The following C2CD2 variants were observed in gnomAD, a reference collection of about 807,000 sequenced individuals.
The protein encoded by C2CD2 is C2 calcium dependent domain containing 2, also known as C2 domain-containing protein 2.
C2CD2 carries 43 observed loss-of-function variants against 74.3 expected under a neutral mutation model. That is an observed-to-expected ratio of 0.58 (90% CI 0.45 to 0.75). C2CD2 has a LOEUF of 0.75. Among genes scored for constraint, C2CD2 ranks in the 30% least tolerant of loss-of-function variants. The pLI is 0.00. For missense variants in C2CD2, 801 were observed against 916.3 expected (o/e 0.87, Z 1.63); for synonymous variants, 422 against 390.7 (o/e 1.08, Z -0.94).
rs1463601217 is a variant in C2CD2, at chr21:41,924,596, A to G, written c.379-2511T>C. Among the ~76,000 whole-genome samples, 9 of 152,228 alleles carry G rather than the reference A, an allele frequency of 5.9e-5. No homozygotes were observed. The highest frequency in any genetic ancestry group is 1.5e-5 in the Non-Finnish European group (1 of 68,052). On this transcript the variant is annotated intron_variant, in intron 2 of 13. Transcript: ENST00000380486. The surrounding 1 kb of genome is among the most constrained non-coding windows in gnomAD (Gnocchi z 4.4). ...TATAAACAGTCCTTTACGGAGGAAC[A>G]TGCTTTGTGGCCAGATGAGTTACAC...
Position 41,932,171 on chromosome 21 carries a change from A to G in C2CD2, c.378+9976T>C, listed in dbSNP as rs182145277. On this transcript the variant is annotated intron_variant, in intron 2 of 13. Transcript: ENST00000380486. The stretch of plus-strand genomic sequence containing the variant: ...GCCTAGCGAATGAATCCTCCATAAA[A>G]ACCCTGAAAGGATGGGTTTGGGGAG... 8.5e-4 allele frequency among the ~76,000 whole-genome samples: 127 copies of G among 149,348 alleles called. 6 individuals carry two copies. Among genetic ancestry groups the G allele is most frequent in the Admixed American group, 1.5e-3 (23 of 14,906 alleles).
chr21:41,918,018 G>A (rs559646626), intron 5 of C2CD2, 87 bp downstream of exon 5: 11 of 1,499,468 alleles, frequency 7.3e-6, no homozygotes, highest in Non-Finnish European at 1.0e-5. Flanking sequence ...GTGGAGGAAC[G>A]CTGGAACGCA....
At position 41,890,560 on chromosome 21, in the gene C2CD2, C is replaced by T. The variant is rs142713007; in HGVS notation, c.1871-1216G>A. On this transcript the variant is annotated intron_variant, in intron 13 of 13. Transcript: ENST00000380486. ...CAGGCCAGCCTGTGAAATTCATTAC[C>T]GCTGGCATGTAGGTGGTAATGACTT... Among the ~76,000 whole-genome samples, 64 of 152,290 alleles carry T rather than the reference C, an allele frequency of 4.2e-4. No homozygotes were observed. The East Asian group carries it at 7.1e-3, about 17-fold the overall frequency.
At position 41,953,753 on chromosome 21, in the gene C2CD2, G is replaced by C; in HGVS notation, c.-105C>G. The C allele has an allele frequency of 5.5e-6, 6 of 1,098,130 alleles. No homozygotes were observed. Among genetic ancestry groups the C allele is most frequent in the Non-Finnish European group, 6.9e-6 (6 of 869,304 alleles). 68.0% of individuals were successfully genotyped at this position (1,098,130 alleles called of 1,614,324 possible). A position where few individuals can be genotyped will look rare whatever the true frequency, so the allele number is the denominator to read the frequency against. On this transcript the variant is annotated 5_prime_UTR_variant, in exon 1 of 14. Transcript: ENST00000380486. ...GCGGCCACAGCGCGCTGGGGGCGTG[G>C]AGGGGGCGCGGCGGGGTCGGAGCCC...
At position 41,903,670 on chromosome 21, in the gene C2CD2, G is replaced by T. The variant is rs567568259; in HGVS notation, c.1433-1921C>A. On this transcript the variant is annotated intron_variant, in intron 11 of 13. Transcript: ENST00000380486. The surrounding 1 kb of genome is among the most constrained non-coding windows in gnomAD (Gnocchi z 4.5). Reference sequence around the variant, plus strand: ...AATTCCCAAAGCCACCAAGGGAGACGTGTCGGGAGCACGTCCTCCTCACGC... The same window carrying T: ...AATTCCCAAAGCCACCAAGGGAGACTTGTCGGGAGCACGTCCTCCTCACGC... 6.6e-6 allele frequency among the ~76,000 whole-genome samples: 1 copy of T among 152,270 alleles called. No individual in the cohort carries two copies. Among genetic ancestry groups the T allele is most frequent in the African/African-American group, 2.4e-5 (1 of 41,550 alleles).
chr21:41,909,264 T>G (rs1006732412), intron 8 of C2CD2, among the ~76,000 whole-genome samples, 195 bp downstream of exon 8: 1 of 152,334 alleles, frequency 6.6e-6, no homozygotes, highest in South Asian at 2.1e-4. Flanking sequence ...CAGTTGAACA[T>G]TTCCCCAAAA....
At position 41,939,047 on chromosome 21, in the gene C2CD2, T is replaced by C. The variant is rs1286519069; in HGVS notation, c.378+3100A>G. Among the ~76,000 whole-genome samples the C allele has an allele frequency of 2.0e-5, 3 of 152,170 alleles. No homozygotes were observed. Among genetic ancestry groups the C allele is most frequent in the Admixed American group, 6.5e-5 (1 of 15,274 alleles). On this transcript the variant is annotated intron_variant, in intron 2 of 13. Coordinates refer to ENST00000380486, the MANE Select transcript of C2CD2 (RefSeq NM_015500.2). This position sits in a 1 kb window ranked among gnomAD's most constrained non-coding sequence, Gnocchi z 5.5. ...GCGAGCCACGGCACCCGGCCTAGAATGTCCTCACTTTCTATGGCTGAATTC... is the reference window on the plus strand; with the variant it reads ...GCGAGCCACGGCACCCGGCCTAGAACGTCCTCACTTTCTATGGCTGAATTC...
chr21:41,912,513 CAG>C (rs2065039070), intron 6 of C2CD2, 73 bp from the exon 7 acceptor site: 2 of 648,684 alleles, frequency 3.1e-6, no homozygotes, highest in Admixed American at 4.2e-5. Context: ...TTTTTTGAGA[CAG>C]AGTCTCGCTC....
Position 41,922,014 on chromosome 21 carries a change from T to C in C2CD2, c.450A>G (p.Gly150=), listed in dbSNP as rs757034934. ...AGAGCCGCATGTCGTACAGCCGGCA[T>C]CCAGCACCCAAGGCAGGCGTCTCGC... ...LVSETPALGA[G]CRLYDMRLSP... Residue 150 remains glycine (G), a synonymous_variant, in exon 3 of 14, where the codon GGA becomes GGG. Transcript: ENST00000380486. 13 of 1,614,094 alleles carry C rather than the reference T, an allele frequency of 8.1e-6. No homozygotes were observed. In the Admixed American group the frequency reaches 2.2e-4, roughly 27 times the overall value.
chr21:41,923,658 A>G lies in C2CD2; in HGVS notation c.379-1573T>C, dbSNP rs1169909336. 6.6e-6 allele frequency among the ~76,000 whole-genome samples: 1 copy of G among 152,204 alleles called. No homozygotes were observed. The highest frequency in any genetic ancestry group is 1.9e-4 in the East Asian group (1 of 5,202). ...AACTGTCAGACAGAGAAAGATAATA[A>G]CCTCAGGAATAAACCAAACTGTGGT... On this transcript the variant is annotated intron_variant, in intron 2 of 13. Transcript: ENST00000380486. The surrounding 1 kb of genome is among the most constrained non-coding windows in gnomAD (Gnocchi z 5.8).
intron 1 of C2CD2, among the ~76,000 whole-genome samples, 162 bp from the exon 2 acceptor site, chr21:41,942,407 T>C (rs1023879477): frequency 1.3e-5 from 2 of 152,222 alleles, no homozygotes; most frequent in African/African-American, 4.8e-5. Flanking sequence ...TCAGGAGCTC[T>C]GCACATCCAA....
At chr21:41,907,618 C>T (rs1305454261) in intron 9 of C2CD2, 42 bp downstream of exon 9, 4 of 1,594,884 alleles carry the variant, frequency 2.5e-6, no homozygotes, top group Non-Finnish European at 3.4e-6. Context: ...TGGGTAAGTG[C>T]CCCAAGCCGG....
intron 1 of C2CD2, among the ~76,000 whole-genome samples, chr21:41,948,693 T>G (rs542243267): frequency 3.3e-4 from 50 of 152,042 alleles, no homozygotes; most frequent in African/African-American, 1.2e-3. Flanking sequence ...CCAACTGGCT[T>G]CCTACACCAC....
At position 41,945,283 on chromosome 21, in the gene C2CD2, A is replaced by G. The variant is rs1442032877; in HGVS notation, c.280-3038T>C. 6.6e-6 allele frequency among the ~76,000 whole-genome samples: 1 copy of G among 152,228 alleles called. No homozygotes were observed. The highest frequency in any genetic ancestry group is 2.4e-5 in the African/African-American group (1 of 41,460). On this transcript the variant is annotated intron_variant, in intron 1 of 13. Transcript: ENST00000380486. This position sits in a 1 kb window ranked among gnomAD's most constrained non-coding sequence, Gnocchi z 4.2. Reference sequence around the variant, plus strand: ...GAGAGAAATACACAGAAATATAGACATGCGCACACACGTTGGTATACACAC... The same window carrying G: ...GAGAGAAATACACAGAAATATAGACGTGCGCACACACGTTGGTATACACAC...
At chr21:41,906,914 C>T in intron 10 of C2CD2, 78 bp downstream of exon 10, 1 of 1,143,776 alleles carries the variant, frequency 8.7e-7, no homozygotes, top group East Asian at 2.4e-5. Context: ...GGCTCCAGAA[C>T]TCTGCAGTTG....
Position 41,907,035 on chromosome 21 carries a change from G to T in C2CD2, c.1275C>A (p.Thr425=). 6.2e-7 allele frequency: 1 copy of T among 1,614,074 alleles called. No individual in the cohort carries two copies. Among genetic ancestry groups the T allele is most frequent in the Non-Finnish European group, 8.5e-7 (1 of 1,179,944 alleles). Reference sequence around the variant, plus strand: ...CCCTCCCCACGTCGACGCGAGGCTTGGTCTTCACAGCAGTGACAGTAGTGA... The same window carrying T: ...CCCTCCCCACGTCGACGCGAGGCTTTGTCTTCACAGCAGTGACAGTAGTGA... The part of the protein sequence containing the change: ...TVVTTVTAVK[T]KPRVDVGRAS... The change falls in exon 10 of 14, where the codon ACC becomes ACA. Residue 425 remains threonine, a synonymous_variant. Coordinates refer to ENST00000380486, the MANE Select transcript of C2CD2 (RefSeq NM_015500.2).
Position 41,901,707 on chromosome 21 carries a change from G to A in C2CD2, c.1475C>T (p.Ala492Val), listed in dbSNP as rs141884228. 3.2e-5 allele frequency: 52 copies of A among 1,613,576 alleles called. No homozygotes were observed. The highest frequency in any genetic ancestry group is 1.0e-5 in the Non-Finnish European group (12 of 1,179,576). Residue 492 changes from alanine (A) to valine (V), a missense_variant, in exon 12 of 14, where the codon GCC (alanine) becomes GTC (valine). Physicochemically the swap from Ala to Val is moderately conservative, Grantham distance 64. Coordinates refer to ENST00000380486, the MANE Select transcript of C2CD2 (RefSeq NM_015500.2). ...TGAAGATTCACTGAGCTGTCGAATG[G>A]CCACTTCAGCCACTGGATCCGAACC... is the stretch of plus-strand genomic sequence containing the variant. ...LNGSDPVAEV[A>V]IRQLSESSKL...
chr21:41,903,557 T>A lies in C2CD2; in HGVS notation c.1433-1808A>T, dbSNP rs1045367404. Among the ~76,000 whole-genome samples, 9 of 152,154 alleles carry A rather than the reference T, an allele frequency of 5.9e-5. No homozygotes were observed. The highest frequency in any genetic ancestry group is 4.1e-4 in the South Asian group (2 of 4,826). On this transcript the variant is annotated intron_variant, in intron 11 of 13. Transcript: ENST00000380486. The surrounding 1 kb of genome is among the most constrained non-coding windows in gnomAD (Gnocchi z 4.5). ...GGAGTGTTGTGAGTAGAGGAACAGA[T>A]TTTTGTTTAGCCACTGACCCACACT...
Position 41,936,815 on chromosome 21 carries a change from C to CTT in C2CD2, c.378+5330_378+5331dup, listed in dbSNP as rs34112713. On this transcript the variant is annotated intron_variant, in intron 2 of 13. Transcript: ENST00000380486. ...TTTTCTTCCATATGATTTTCTTTTC[C>CTT]TTTTTTTTTTTTTTTTTTTTTTGAG... Among the ~76,000 whole-genome samples, 781 of 102,968 alleles carry CTT rather than the reference C, an allele frequency of 7.6e-3. 17 individuals are homozygous for CTT. Among genetic ancestry groups the CTT allele is most frequent in the African/African-American group, 0.022 (572 of 25,694 alleles). 67.6% of individuals were successfully genotyped at this position (102,968 alleles called of 152,430 possible). A position where few individuals can be genotyped will look rare whatever the true frequency, so the allele number is the denominator to read the frequency against.
Sources: gnomAD v4.1 joint callset for allele counts (sites outside exome capture counted in the v4.1 genomes callset) on GRCh38, gnomAD v4.1.1 for gene constraint, Gnocchi (gnomAD v3.1) non-coding constraint, MANE v1.5 for transcripts, NCBI Gene and HGNC (gene_info 2026-07-23, HGNC 2026-07-21) for gene names.